OSBPL2: variants seen among roughly 807,000 people sequenced by gnomAD.
OSBPL2 encodes oxysterol-binding protein-related protein 2.
In OSBPL2, 18 loss-of-function variants were observed where a neutral mutation model predicts 58.4. The observed-to-expected ratio is 0.31, with a 90% confidence interval of 0.21 to 0.46. The LOEUF is 0.46. Among genes scored for constraint, OSBPL2 ranks in the 20% least tolerant of loss-of-function variants. The probability of loss-of-function intolerance (pLI) is 1.00; values close to 1 mark genes in which losing one functional copy is unlikely to be tolerated. For synonymous variants in OSBPL2, 221 were observed against 234.1 expected, an observed-to-expected ratio of 0.94 and a Z score of 0.51; for missense variants, 461 against 616.5, an observed-to-expected ratio of 0.75 and a Z score of 2.67.
Position 62,292,774 on chromosome 20 carries a change from C to T in OSBPL2, c.1340+981C>T, listed in dbSNP as rs540981999. Reference sequence around the variant, plus strand: ...GCTGGCGTTTTGAAACCAATTCTCACTGTTTGGGCTTCCAATTTAATTTGA... The same window carrying T: ...GCTGGCGTTTTGAAACCAATTCTCATTGTTTGGGCTTCCAATTTAATTTGA... On this transcript the variant is annotated intron_variant, in intron 13 of 13. Coordinates refer to ENST00000313733, the MANE Select transcript of OSBPL2 (RefSeq NM_144498.4). 2.6e-5 allele frequency among the ~76,000 whole-genome samples: 4 copies of T among 152,256 alleles called. No homozygotes were observed. In the East Asian group the frequency reaches 7.7e-4, roughly 29 times the overall value.
chr20:62,291,241 T>G (rs1320467800), intron 12 of OSBPL2: 1 of 135,380 alleles, frequency 7.4e-6, no homozygotes, highest in Non-Finnish European at 1.6e-5. Context: ...TGCTTTGTAT[T>G]CAGAATGTGT....
chr20:62,273,096 C>T (rs963915032), intron 5 of OSBPL2, among the ~76,000 whole-genome samples: 30 of 152,214 alleles, frequency 2.0e-4, no homozygotes, highest in Non-Finnish European at 4.1e-4. Flanking sequence ...GCACCCAGTT[C>T]CTTCTTTCTG....
At chr20:62,278,633 G>C (rs7266523) in intron 6 of OSBPL2, 1 of 151,250 alleles carries the variant, frequency 6.6e-6, no homozygotes, top group Admixed American at 7.9e-5. Flanking sequence ...GGCCAAGTGC[G>C]ATGTCATGTT....
chr20:62,278,841 G>A (rs146111017), intron 6 of OSBPL2: 4,634 of 302,608 alleles, frequency 0.015, 51 homozygotes, highest in Non-Finnish European at 0.02. Flanking sequence ...GTCTGTTGCC[G>A]TTAGGCCGAG....
chr20:62,287,615 C>G (rs968311240), intron 11 of OSBPL2, among the ~76,000 whole-genome samples: 1 of 152,112 alleles, frequency 6.6e-6, no homozygotes, highest in Admixed American at 6.5e-5. Flanking sequence ...TGCCACCATG[C>G]CAGACTAATT....
At chr20:62,277,261 GA>G (rs927156284) in intron 6 of OSBPL2, among the ~76,000 whole-genome samples, 1 of 152,186 alleles carries the variant, frequency 6.6e-6, no homozygotes, top group Non-Finnish European at 1.5e-5. Flanking sequence ...CTCAAAAAAA[GA>G]AAAAGAAAAA....
chr20:62,276,917 C>T (rs772128563), intron 6 of OSBPL2, among the ~76,000 whole-genome samples: 10 of 152,190 alleles, frequency 6.6e-5, no homozygotes, highest in African/African-American at 1.2e-4. Flanking sequence ...GAGGCATTGA[C>T]GGGATTGGCT....
At chr20:62,292,946 C>G (rs1983618452) in intron 13 of OSBPL2, among the ~76,000 whole-genome samples, 2 of 151,264 alleles carry the variant, frequency 1.3e-5, no homozygotes, top group South Asian at 4.2e-4. Context: ...CGGCTCACTG[C>G]AAGCTCCGCC....
intron 4 of OSBPL2, 107 bp downstream of exon 4, chr20:62,263,798 G>C: frequency 6.2e-6 from 6 of 968,820 alleles, no homozygotes; most frequent in Non-Finnish European, 9.9e-6. Context: ...GGGCGCGGTG[G>C]CTCACGCCTA....
Position 62,279,103 on chromosome 20 carries a change from T to A in OSBPL2, c.492-54T>A. 2.0e-6 allele frequency: 3 copies of A among 1,491,928 alleles called. No homozygotes were observed. The South Asian group carries it at 3.7e-5, about 18-fold the overall frequency. The allele number at this position is 1,491,928 out of a possible 1,614,324, so 92.4% of individuals were successfully genotyped here. A position where few individuals can be genotyped will look rare whatever the true frequency, so the allele number is the denominator to read the frequency against. On this transcript the variant is annotated intron_variant, in intron 6 of 13. Coordinates refer to ENST00000313733, the MANE Select transcript of OSBPL2 (RefSeq NM_144498.4). ...GCTCCACATGATGTCTGAGCTGCCC[T>A]TTCTTTTATTTTGCTGCCATTAATG... is the stretch of plus-strand genomic sequence containing the variant.
intron 4 of OSBPL2, among the ~76,000 whole-genome samples, chr20:62,268,755 A>G (rs1184928117): frequency 6.6e-6 from 1 of 152,102 alleles, no homozygotes; most frequent in Non-Finnish European, 1.5e-5. Context: ...ACCCACCACC[A>G]TGCCCAGCTA....
Position 62,269,196 on chromosome 20 carries a change from C to T in OSBPL2, c.259-2929C>T, listed in dbSNP as rs1981891607. ...GAATTACAGGCGTGAGCCATCTCGC[C>T]TGGCCGACTTCTGAATCTTTTAATG... On this transcript the variant is annotated intron_variant, in intron 4 of 13. Transcript: ENST00000313733. This position sits in a 1 kb window ranked among gnomAD's most constrained non-coding sequence, Gnocchi z 4.2. Among the ~76,000 whole-genome samples, 1 of 152,224 alleles carries T rather than the reference C, an allele frequency of 6.6e-6. No individual in the cohort carries two copies. The highest frequency in any genetic ancestry group is 1.5e-5 in the Non-Finnish European group (1 of 68,040).
chr20:62,263,014 C>T (rs1033727974), intron 3 of OSBPL2, among the ~76,000 whole-genome samples: 1 of 152,182 alleles, frequency 6.6e-6, no homozygotes, highest in Non-Finnish European at 1.5e-5. Context: ...CTCATTCCAG[C>T]TCCACGTTCC....
intron 12 of OSBPL2, chr20:62,291,415 G>A: frequency 2.3e-6 from 1 of 428,116 alleles, no homozygotes; most frequent in Non-Finnish European, 4.4e-6. Flanking sequence ...GGCCCTGCCT[G>A]TCCTTCAGAC....
chr20:62,242,308 C>A (rs554609521), intron 1 of OSBPL2: 3 of 152,354 alleles, frequency 2.0e-5, no homozygotes, highest in South Asian at 4.1e-4. Context: ...CACTTCTTTC[C>A]TTTTCCTTCC....
At position 62,269,340 on chromosome 20, in the gene OSBPL2, A is replaced by G. The variant is rs1981901951; in HGVS notation, c.259-2785A>G. On this transcript the variant is annotated intron_variant, in intron 4 of 13. Coordinates refer to ENST00000313733, the MANE Select transcript of OSBPL2 (RefSeq NM_144498.4). This position sits in a 1 kb window ranked among gnomAD's most constrained non-coding sequence, Gnocchi z 4.2. ...GCCGTGCGGCAGCAAAGAGCCCTGC[A>G]TGTGTGTTTGGCCGAGGCTCTGTGG... 2.0e-5 allele frequency among the ~76,000 whole-genome samples: 3 copies of G among 152,152 alleles called. No individual in the cohort carries two copies. The highest frequency in any genetic ancestry group is 6.5e-5 in the Admixed American group (1 of 15,284).
intron 3 of OSBPL2, among the ~76,000 whole-genome samples, chr20:62,262,060 C>T (rs1210612669): frequency 1.4e-5 from 2 of 147,948 alleles, no homozygotes; most frequent in Admixed American, 1.4e-4. Context: ...AGCCCAGAGG[C>T]ACTTTTCAAA....
At chr20:62,248,046 C>T (rs1170096791) in intron 1 of OSBPL2, among the ~76,000 whole-genome samples, 1 of 151,890 alleles carries the variant, frequency 6.6e-6, no homozygotes, top group Non-Finnish European at 1.5e-5. Context: ...ACATAAGGCT[C>T]TGTGCACAGT....
intron 6 of OSBPL2, among the ~76,000 whole-genome samples, chr20:62,277,707 T>G (rs563249001): frequency 6.6e-6 from 1 of 152,362 alleles, no homozygotes; most frequent in South Asian, 2.1e-4. Context: ...TTTTTCAACT[T>G]TCTTTCTTCT....
Sources: allele counts gnomAD v4.1 joint callset (sites outside exome capture counted in the v4.1 genomes callset), GRCh38; gene constraint gnomAD v4.1.1; non-coding constraint Gnocchi (gnomAD v3.1); transcripts MANE v1.5; gene names NCBI Gene and HGNC (gene_info 2026-07-23, HGNC 2026-07-21).